The following NBPF14 variants were observed in gnomAD, a reference collection of about 807,000 sequenced individuals.
NBPF14 encodes the protein NBPF family member NBPF14.
Under a neutral mutation model 91.2 loss-of-function variants are expected in NBPF14, and 104 were observed. That is an observed-to-expected ratio of 1.14 (90% CI 0.97 to 1.34). The LOEUF (loss-of-function observed/expected upper bound fraction) is 1.34, where lower values mean the gene tolerates loss of function less well. NBPF14 is among the 40% of genes most tolerant of loss of function. The pLI is 0.00. For synonymous variants in NBPF14, 294 were observed against 303.8 expected (o/e 0.97, Z 0.34); for missense variants, 908 against 783.0 (o/e 1.16, Z -1.91).
chr1:148,534,894 G>T (rs782271892), intron 68 of NBPF14, 38 bp from the exon 69 acceptor site: 69 of 717,762 alleles, frequency 9.6e-5, no homozygotes, highest in Admixed American at 4.1e-5. Flanking sequence ...AAGCCAGGGG[G>T]AATCAGAAAC....
intron 34 of NBPF14, among the ~76,000 whole-genome samples, 179 bp from the exon 35 acceptor site, chr1:148,561,758 G>A (rs1657769635): frequency 8.7e-6 from 1 of 114,844 alleles, no homozygotes; most frequent in Non-Finnish European, 1.6e-5. Flanking sequence ...GGAAAAGAAT[G>A]AAAGAGAAAG....
rs1355768670 is a variant in NBPF14 at position 148,557,683 on chromosome 1, C to G, written c.4955-141G>C. Reference sequence around the variant, plus strand: ...ATGTGAGAGATATACTTCAGGAGGCCTGAAAGCTGGTCATGATATTCCTTG... The same window carrying G: ...ATGTGAGAGATATACTTCAGGAGGCGTGAAAGCTGGTCATGATATTCCTTG... On this transcript the variant is annotated intron_variant, in intron 39 of 70. Transcript: ENST00000619423. 3.7e-5 allele frequency: 23 copies of G among 620,254 alleles called. 1 individual carries two copies. The highest frequency in any genetic ancestry group is 6.5e-5 in the Non-Finnish European group (23 of 354,914). The allele number at this position is 620,254 out of a possible 1,614,324, so 38.4% of individuals were successfully genotyped here.
At chr1:148,579,777 A>C (rs1249533721) in intron 12 of NBPF14, among the ~76,000 whole-genome samples, 3 of 152,218 alleles carry the variant, frequency 2.0e-5, no homozygotes, top group African/African-American at 4.8e-5. Context: ...ATGGGAGAGA[A>C]TAGGCAACAC....
At chr1:148,534,538 C>G (rs587667433) in intron 69 of NBPF14, 146 bp downstream of exon 69, 9 of 710,638 alleles carry the variant, frequency 1.3e-5, no homozygotes, top group Non-Finnish European at 2.3e-5. Context: ...GCTGAGACTA[C>G]AGTTTCATTA....
At chr1:148,566,351 G>C (rs1399808772) in intron 28 of NBPF14, 36 bp from the exon 29 acceptor site, 2 of 752,636 alleles carry the variant, frequency 2.7e-6, no homozygotes, top group East Asian at 2.8e-5. Context: ...ATAAGCCAGG[G>C]GAAATCAGAC....
chr1:148,577,712 G>C (rs1382616799), intron 14 of NBPF14, among the ~76,000 whole-genome samples: 1 of 144,412 alleles, frequency 6.9e-6, no homozygotes, highest in Admixed American at 6.9e-5. Context: ...CAATAATTTT[G>C]CATAAAATGT....
intron 68 of NBPF14, among the ~76,000 whole-genome samples, chr1:148,535,176 A>T (rs1654865440): frequency 6.7e-6 from 1 of 149,974 alleles, no homozygotes; most frequent in African/African-American, 2.5e-5. Flanking sequence ...GATCATGAAA[A>T]GAGGGGGCTC....
chr1:148,587,416 A>T lies in NBPF14; in HGVS notation c.989-13T>A, dbSNP rs2149568646. 7 of 1,568,160 alleles carry T rather than the reference A, an allele frequency of 4.5e-6. No individual in the cohort carries two copies. In the East Asian group the frequency reaches 1.6e-4, roughly 35 times the overall value. ...CACTCTTCATATTCTGAGAAAAGAC[A>T]GACACACCTACCTCAGTGGAAGGCT... On this transcript the variant is annotated splice_polypyrimidine_tract_variant and intron_variant, in intron 7 of 70. Coordinates refer to ENST00000619423, the Ensembl canonical transcript of NBPF14.
At chr1:148,534,433 C>A (rs1421080701) in intron 69 of NBPF14, among the ~76,000 whole-genome samples, 1 of 151,708 alleles carries the variant, frequency 6.6e-6, no homozygotes, top group Non-Finnish European at 1.5e-5. Flanking sequence ...CTGCCCAGGT[C>A]CAATGTCATG....
At chr1:148,533,950 C>G in exon 70 of NBPF14, 4 of 723,062 alleles carry the variant, frequency 5.5e-6, no homozygotes, top group Non-Finnish European at 5.0e-6. Flanking sequence ...TTTTTTTCCC[C>G]TTCCCCTTCT....
chr1:148,587,350 A>G lies in NBPF14; in HGVS notation c.1042T>C (p.Phe348Leu), dbSNP rs1340486424. 23 of 1,582,980 alleles carry G rather than the reference A, an allele frequency of 1.5e-5. 1 individual carries two copies. In the African/African-American group the frequency reaches 2.8e-4, roughly 19 times the overall value. ...TGCTCCGCAAGCTTCTCCTCCTTGA[A>G]CTGTCGCTCATTCCTCAGCATAAAT... Residue 348 changes from phenylalanine to leucine, a missense_variant, in exon 8 of 71, where the codon TTC becomes CTC. Physicochemically the swap from Phe to Leu is conservative, Grantham distance 22 (BLOSUM62 0). This residue lies in a region of NBPF14 where 39 missense variants were observed against 35.8 expected (regional missense o/e 1.09). Transcript: ENST00000619423.
chr1:148,534,613 T>C (rs1160094283), intron 69 of NBPF14, 71 bp downstream of exon 69: 3 of 908,792 alleles, frequency 3.3e-6, no homozygotes, highest in South Asian at 1.3e-5. Context: ...TAAGGGCCAC[T>C]TGGAATAGGA....
chr1:148,559,795 T>A lies in NBPF14; in HGVS notation c.4727A>T (p.Asp1576Val), dbSNP rs1427595795. 1.2e-5 allele frequency: 18 copies of A among 1,504,562 alleles called. 3 individuals are homozygous for A. The East Asian group carries it at 2.0e-4, about 17-fold the overall frequency. 93.2% of individuals were successfully genotyped at this position (1,504,562 alleles called of 1,614,324 possible). Residue 1576 changes from aspartate (D) to valine (V), a missense_variant and splice_region_variant, in exon 37 of 71, where the codon GAT (aspartate) becomes GTT (valine). Transcript: ENST00000619423. Reference sequence around the variant, plus strand: ...CACCTTCATAGAAAGGTACTCACCATCCATGTCAACAGCCAAGCCAACACG... The same window carrying A: ...CACCTTCATAGAAAGGTACTCACCAACCATGTCAACAGCCAAGCCAACACG...
rs1455296076 is a variant in NBPF14, at chr1:148,538,165, A to G, written c.7935-159T>C. On this transcript the variant is annotated intron_variant, in intron 64 of 70. Transcript: ENST00000619423. ...TATTGCCTTCATGTTGGGACAGAAC[A>G]GGGCCAAATGGAAAAGAATGAAAGA... 2.5e-4 allele frequency among the ~76,000 whole-genome samples: 9 copies of G among 35,780 alleles called. No individual in the cohort carries two copies. The East Asian group carries it at 8.8e-3, about 35-fold the overall frequency. The allele number at this position is 35,780 out of a possible 152,430, so 23.5% of individuals were successfully genotyped here.
At chr1:148,534,693 C>A (rs1654712646) in exon 69 of NBPF14, 5 of 821,378 alleles carry the variant, frequency 6.1e-6, no homozygotes, top group Non-Finnish European at 1.1e-5. Flanking sequence ...CTGTCCACGT[C>A]AAGAGCCAAG....
At chr1:148,559,444 G>C (rs1388822281) in intron 37 of NBPF14, among the ~76,000 whole-genome samples, 1 of 132,972 alleles carries the variant, frequency 7.5e-6, no homozygotes, top group Non-Finnish European at 1.5e-5. Flanking sequence ...ATGGTAGCGA[G>C]GATTTCAGAC....
At chr1:148,566,250 T>A in exon 29 of NBPF14, 1 of 627,130 alleles carries the variant, frequency 1.6e-6, no homozygotes, top group Non-Finnish European at 2.8e-6. Flanking sequence ...AGGAGTTGAA[T>A]AACATCTATC....
In NBPF14 at chr1:148,539,254, A is replaced by G. The variant is rs61802099; in HGVS notation, c.7882+156T>C. 1.3e-3 allele frequency among the ~76,000 whole-genome samples: 155 copies of G among 114,904 alleles called. 21 individuals carry two copies. The highest frequency in any genetic ancestry group is 6.1e-3 in the African/African-American group (143 of 23,508). The allele number at this position is 114,904 out of a possible 152,430, so 75.4% of individuals were successfully genotyped here. A position where few individuals can be genotyped will look rare whatever the true frequency, so the allele number is the denominator to read the frequency against. ...GACCCATTTCATGTCTAGGCTTCCA[A>G]CTGAGACTACAGTTTCTTTACAACC... On this transcript the variant is annotated intron_variant, in intron 63 of 70. Transcript: ENST00000619423.
intron 15 of NBPF14, among the ~76,000 whole-genome samples, chr1:148,576,728 T>C: frequency 7.0e-6 from 1 of 142,156 alleles, no homozygotes; most frequent in African/African-American, 2.5e-5. Context: ...GGTTATGCCA[T>C]ATTTTTCCAA....
Sources: allele counts gnomAD v4.1 joint callset (sites outside exome capture counted in the v4.1 genomes callset), GRCh38; gene constraint gnomAD v4.1.1; regional missense constraint gnomAD v4.1.1; transcripts MANE v1.5; gene names NCBI Gene and HGNC (gene_info 2026-07-23, HGNC 2026-07-21).